CTBP1: variants seen among roughly 807,000 people sequenced by gnomAD.
CTBP1 encodes the protein C-terminal binding protein 1, also known as C-terminal-binding protein 1.
In CTBP1, 11 loss-of-function variants were observed where a neutral mutation model predicts 42.1. The ratio of observed to expected loss-of-function variants is 0.26; its 90% CI spans 0.16 to 0.43. The LOEUF is 0.43. Among genes scored for constraint, CTBP1 ranks in the 20% least tolerant of loss-of-function variants. The pLI is 1.00. For synonymous variants in CTBP1, 324 were observed against 277.1 expected (o/e 1.17, Z -1.68); for missense variants, 399 against 624.3 (o/e 0.64, Z 3.85).
upstream of CTBP1, chr4:1,249,941 G>C (rs1733172362): frequency 5.4e-6 from 1 of 186,152 alleles, no homozygotes; most frequent in African/African-American, 2.4e-5. Context: ...CCTTCAGGGA[G>C]AGGCCGCACT....
chr4:1,214,130 T>G, intron 7 of CTBP1: 2 of 583,456 alleles, frequency 3.4e-6, no homozygotes, highest in Non-Finnish European at 5.6e-6. Context: ...GCTGAGGAGG[T>G]TGAGCAGCCC....
intron 4 of CTBP1, 133 bp from the exon 5 acceptor site, chr4:1,225,699 C>G (rs758256687): frequency 1.7e-4 from 156 of 929,780 alleles, no homozygotes; most frequent in Non-Finnish European, 2.3e-4. Flanking sequence ...CAAGGCCACC[C>G]CGGGAGGCCA....
At chr4:1,234,032 C>G (rs1331856959) in intron 3 of CTBP1, among the ~76,000 whole-genome samples, 1 of 152,206 alleles carries the variant, frequency 6.6e-6, no homozygotes, top group Non-Finnish European at 1.5e-5. Context: ...TTCCAGCCAG[C>G]AGGGACGAGG....
chr4:1,221,555 C>G (rs1317048965), intron 5 of CTBP1: 2 of 169,096 alleles, frequency 1.2e-5, no homozygotes, highest in African/African-American at 4.8e-5. Flanking sequence ...GTGATGGAAC[C>G]GTTATCAGAA....
At chr4:1,244,813 CT>C in intron 1 of CTBP1, 1 of 985,458 alleles carries the variant, frequency 1.0e-6, no homozygotes, top group Non-Finnish European at 1.2e-6. Flanking sequence ...GAGATGCCCC[CT>C]CTGGCTGTCC....
chr4:1,220,916 A>G (rs894299874), intron 5 of CTBP1, among the ~76,000 whole-genome samples: 1 of 152,278 alleles, frequency 6.6e-6, no homozygotes, highest in Admixed American at 6.5e-5. Context: ...TGGGGTAAAC[A>G]GATTCCTCAG....
In CTBP1 at chr4:1,241,849, C is replaced by T. The variant is rs1732212955; in HGVS notation, c.-188-330G>A. 1.0e-5 allele frequency: 12 copies of T among 1,152,402 alleles called. No individual in the cohort carries two copies. The South Asian group carries it at 2.2e-4, about 21-fold the overall frequency. 71.4% of individuals were successfully genotyped at this position (1,152,402 alleles called of 1,614,324 possible). A position where few individuals can be genotyped will look rare whatever the true frequency, so the allele number is the denominator to read the frequency against. Reference sequence around the variant, plus strand: ...CCAGATGTCCCCAGTGTCCAAGAACCAGGGGACGGAGGGCACAGGGTGTGT... The same window carrying T: ...CCAGATGTCCCCAGTGTCCAAGAACTAGGGGACGGAGGGCACAGGGTGTGT... On this transcript the variant is annotated intron_variant, in intron 1 of 9. Transcript: ENST00000382952.
At chr4:1,219,173 AAATAAT>A (rs200013130) in intron 5 of CTBP1, among the ~76,000 whole-genome samples, 15 of 151,792 alleles carry the variant, frequency 9.9e-5, no homozygotes, top group Non-Finnish European at 5.9e-5. Context: ...CTCTACCAAA[AAATAAT>A]AATAATAATA....
chr4:1,214,021 C>T (rs531660818), intron 7 of CTBP1: 36 of 426,208 alleles, frequency 8.4e-5, no homozygotes, highest in African/African-American at 3.1e-4. Context: ...CAGGTCTGGA[C>T]GGGATGCCAT....
intron 1 of CTBP1, chr4:1,243,222 T>C (rs1211088214): frequency 2.0e-6 from 2 of 985,292 alleles, no homozygotes; most frequent in East Asian, 1.1e-4. Flanking sequence ...TCAATGCTTA[T>C]CTATACTGGC....
chr4:1,212,409 A>G lies in CTBP1; in HGVS notation c.1121T>C (p.Val374Ala). The change falls in exon 10 of 10, where the codon GTG (valine) becomes GCG (alanine). Residue 374 changes from valine (V) to alanine (A), a missense_variant. By Grantham distance (64) the Val-to-Ala change is moderately conservative. Transcript: ENST00000382952. ...GATGCCAGTGGGGGCCACGCCCACC[A>G]CGCCCGGAGGGTACCTGCTGGGAGA... ...NGAAYRYPPG[V>A]VGVAPTGIPA... is the part of the protein sequence containing the mutation. 6.8e-7 allele frequency: 1 copy of G among 1,464,408 alleles called. No homozygotes were observed. Among genetic ancestry groups the G allele is most frequent in the Non-Finnish European group, 9.0e-7 (1 of 1,110,964 alleles). 90.7% of individuals were successfully genotyped at this position (1,464,408 alleles called of 1,614,324 possible).
intron 1 of CTBP1, among the ~76,000 whole-genome samples, chr4:1,248,247 C>T (rs984604169): frequency 6.6e-5 from 10 of 151,896 alleles, no homozygotes; most frequent in Admixed American, 2.6e-4. Context: ...GGCGCTGGGC[C>T]GGTCCGGGAC....
intron 2 of CTBP1, 128 bp downstream of exon 2, chr4:1,241,197 C>T (rs1435735348): frequency 5.3e-6 from 4 of 761,782 alleles, no homozygotes; most frequent in Non-Finnish European, 9.7e-6. Context: ...GGTCAGGTGG[C>T]AGCAGTCCGG....
chr4:1,222,079 A>G (rs904763712), intron 5 of CTBP1, among the ~76,000 whole-genome samples: 2 of 152,212 alleles, frequency 1.3e-5, no homozygotes, highest in Admixed American at 6.5e-5. Flanking sequence ...GTGTGTGCAC[A>G]GCAGAGGGCA....
In CTBP1 at chr4:1,249,110, C is replaced by A; in HGVS notation, c.-383G>T. On this transcript the variant is annotated 5_prime_UTR_variant, in exon 1 of 10. Coordinates refer to ENST00000382952, the MANE Select transcript of CTBP1 (RefSeq NM_001012614.2). ...GAGTCTCCGCCGCGCCGCTGAGCCG[C>A]GCTCCGACGACCGCGCGGGCGGGGA... The A allele has an allele frequency of 5.1e-6, 1 of 195,614 alleles. No individual in the cohort carries two copies. Among genetic ancestry groups the A allele is most frequent in the Non-Finnish European group, 9.0e-6 (1 of 111,668 alleles). 12.1% of individuals were successfully genotyped at this position (195,614 alleles called of 1,614,324 possible).
intron 5 of CTBP1, chr4:1,221,944 G>A (rs1248442822): frequency 2.9e-6 from 1 of 339,270 alleles, no homozygotes; most frequent in Non-Finnish European, 6.0e-6. Flanking sequence ...TCGTAGAGCA[G>A]AGGAAGCGGC....
At chr4:1,227,563 C>G (rs918689833) in intron 4 of CTBP1, among the ~76,000 whole-genome samples, 1 of 144,196 alleles carries the variant, frequency 6.9e-6, no homozygotes, top group African/African-American at 2.6e-5. Context: ...TGTGCGTGTT[C>G]TGTGTGCTGA....
chr4:1,213,442 GA>G lies in CTBP1; in HGVS notation c.988+35del. ...TGAGCATCTGGGGCTGGCAGGAAGG[GA>G]CCCCCAGGCCTGACCGAGCGGCCCC... On this transcript the variant is annotated intron_variant, in intron 8 of 9. Transcript: ENST00000382952. 3 of 1,602,492 alleles carry G rather than the reference GA, an allele frequency of 1.9e-6. No individual in the cohort carries two copies. The East Asian group carries it at 6.7e-5, about 36-fold the overall frequency.
Position 1,238,540 on chromosome 4 carries a change from GAC to G in CTBP1, c.8-205_8-204del, listed in dbSNP as rs1370831853. 6.6e-6 allele frequency among the ~76,000 whole-genome samples: 1 copy of G among 151,944 alleles called. No homozygotes were observed. Among genetic ancestry groups the G allele is most frequent in the African/African-American group, 2.4e-5 (1 of 41,358 alleles). ...GTGCCTCAGCTCGCTGACTCAAGTG[GAC>G]ACAGACTGTGGACACCCACTACCAT... On this transcript the variant is annotated intron_variant, in intron 2 of 9. Coordinates refer to ENST00000382952, the MANE Select transcript of CTBP1 (RefSeq NM_001012614.2). The surrounding 1 kb of genome is among the most constrained non-coding windows in gnomAD (Gnocchi z 5.9).
Sources: allele counts gnomAD v4.1 joint callset (sites outside exome capture counted in the v4.1 genomes callset), GRCh38; gene constraint gnomAD v4.1.1; non-coding constraint Gnocchi (gnomAD v3.1); transcripts MANE v1.5; gene names NCBI Gene and HGNC (gene_info 2026-07-23, HGNC 2026-07-21).